ACTL8: variants seen among roughly 807,000 people sequenced by gnomAD.
The protein encoded by ACTL8 is actin like 8, also known as actin-like protein 8.
ACTL8 carries 3 observed loss-of-function variants against 9.3 expected under a neutral mutation model. The ratio of observed to expected loss-of-function variants is 0.32; its 90% CI spans 0.15 to 0.83. ACTL8 has a LOEUF of 0.83. Among genes scored for constraint, ACTL8 ranks in the 40% least tolerant of loss-of-function variants. The probability of loss-of-function intolerance (pLI) is 0.57; values close to 1 mark genes in which losing one functional copy is unlikely to be tolerated. For synonymous variants in ACTL8, 224 were observed against 205.9 expected (o/e 1.09, Z -0.75); for missense variants, 381 against 492.2 (o/e 0.77, Z 2.14).
At chr1:17,756,061 C>T (rs2065967568) in intron 1 of ACTL8, among the ~76,000 whole-genome samples, 1 of 151,658 alleles carries the variant, frequency 6.6e-6, no homozygotes, top group Admixed American at 6.6e-5. Flanking sequence ...CCGCAGCCCT[C>T]AGGGGCTTTT....
chr1:17,772,527 C>T (rs1380516398), intron 1 of ACTL8, among the ~76,000 whole-genome samples: 1 of 152,192 alleles, frequency 6.6e-6, no homozygotes, highest in East Asian at 1.9e-4. Flanking sequence ...TGGGGGAAAG[C>T]TGACACCAGG....
chr1:17,826,228 C>T lies in ACTL8; in HGVS notation c.810C>T (p.Pro270=). Reference sequence around the variant, plus strand: ...CGCAGGTGTTCGAGCAGCCGGGGCCCAGCATCCCACGGGCCATTGTGGAAT... The same window carrying T: ...CGCAGGTGTTCGAGCAGCCGGGGCCTAGCATCCCACGGGCCATTGTGGAAT... The part of the protein sequence containing the change: ...FSPQVFEQPG[P]SIPRAIVESV... The change falls in exon 3 of 3, where the codon CCC becomes CCT. Residue 270 remains proline, a synonymous_variant. Transcript: ENST00000375406. The surrounding 1 kb of genome is among the most constrained non-coding windows in gnomAD (Gnocchi z 4.5). 6.2e-7 allele frequency: 1 copy of T among 1,613,446 alleles called. No individual in the cohort carries two copies. The highest frequency in any genetic ancestry group is 8.5e-7 in the Non-Finnish European group (1 of 1,179,876).
intron 1 of ACTL8, among the ~76,000 whole-genome samples, chr1:17,788,939 T>G (rs543036566): frequency 7.5e-4 from 114 of 152,352 alleles, no homozygotes; most frequent in African/African-American, 2.7e-3. Context: ...CTGGCTGCTC[T>G]TGATCAGTGG....
intron 1 of ACTL8, among the ~76,000 whole-genome samples, chr1:17,777,664 G>C (rs193011185): frequency 1.9e-3 from 287 of 152,320 alleles, no homozygotes; most frequent in Non-Finnish European, 3.3e-3. Flanking sequence ...TGATGGAAAA[G>C]ATTGGTGGTA....
At chr1:17,795,610 C>T (rs924014797) in intron 1 of ACTL8, among the ~76,000 whole-genome samples, 1 of 152,180 alleles carries the variant, frequency 6.6e-6, no homozygotes, top group Admixed American at 6.5e-5. Context: ...TTGCAGCACA[C>T]ACCAGGAAGC....
chr1:17,783,606 T>G (rs189573797), intron 1 of ACTL8, among the ~76,000 whole-genome samples: 33 of 152,334 alleles, frequency 2.2e-4, no homozygotes, highest in African/African-American at 7.2e-4. Flanking sequence ...TCTGGCCTCC[T>G]TGTGTGTCCC....
At chr1:17,789,362 A>G (rs1028754461) in intron 1 of ACTL8, among the ~76,000 whole-genome samples, 3 of 152,028 alleles carry the variant, frequency 2.0e-5, no homozygotes, top group African/African-American at 7.2e-5. Context: ...CTCACATATC[A>G]CCCCTTAGAG....
At chr1:17,779,926 G>T (rs761028268) in intron 1 of ACTL8, among the ~76,000 whole-genome samples, 2 of 152,158 alleles carry the variant, frequency 1.3e-5, no homozygotes, top group African/African-American at 4.8e-5. Flanking sequence ...GAACCTTTTG[G>T]CTGGGTGCAG....
chr1:17,774,298 C>T lies in ACTL8; in HGVS notation c.-25+18794C>T, dbSNP rs188813288. On this transcript the variant is annotated intron_variant, in intron 1 of 2. Coordinates refer to ENST00000375406, the MANE Select transcript of ACTL8 (RefSeq NM_030812.3). ...CTCTTCCACCAGCTGAACAGCTAGG[C>T]GCCCTTGCCCACGCTGGGGGGTGGG... Among the ~76,000 whole-genome samples, 62 of 152,232 alleles carry T rather than the reference C, an allele frequency of 4.1e-4. 1 individual carries two copies. Among genetic ancestry groups the T allele is most frequent in the Middle Eastern group, 3.4e-3 (1 of 294 alleles).
chr1:17,784,723 A>G (rs910649096), intron 1 of ACTL8, among the ~76,000 whole-genome samples: 18 of 152,168 alleles, frequency 1.2e-4, no homozygotes, highest in African/African-American at 3.9e-4. Context: ...TTCCCGTTTT[A>G]TAGGTAGAGC....
chr1:17,778,106 T>A lies in ACTL8; in HGVS notation c.-25+22602T>A, dbSNP rs147113893. ...TTTGAGGGCTGAATGGGAGACAAGC[T>A]CTGCTCGTCTTAACCAGTTTGGGGA... On this transcript the variant is annotated intron_variant, in intron 1 of 2. Transcript: ENST00000375406. Among the ~76,000 whole-genome samples, 732 of 152,328 alleles carry A rather than the reference T, an allele frequency of 4.8e-3. 8 individuals carry two copies. The highest frequency in any genetic ancestry group is 0.016 in the African/African-American group (663 of 41,572).
At chr1:17,808,028 C>T (rs1217590817) in intron 1 of ACTL8, among the ~76,000 whole-genome samples, 2 of 152,118 alleles carry the variant, frequency 1.3e-5, no homozygotes, top group Non-Finnish European at 2.9e-5. Context: ...AGTAGCAGTG[C>T]TGATACCCAT....
chr1:17,796,979 G>A (rs547680751), intron 1 of ACTL8, among the ~76,000 whole-genome samples: 13 of 152,330 alleles, frequency 8.5e-5, no homozygotes, highest in South Asian at 2.1e-4. Flanking sequence ...CTAGGGACAC[G>A]CTGCTCAAGT....
intron 1 of ACTL8, among the ~76,000 whole-genome samples, chr1:17,807,395 G>A (rs1244497913): frequency 1.3e-5 from 2 of 152,178 alleles, no homozygotes; most frequent in Admixed American, 1.3e-4. Context: ...CTCAATAGCT[G>A]TGGGGACATG....
chr1:17,775,377 G>T (rs1371667154), intron 1 of ACTL8, among the ~76,000 whole-genome samples: 1 of 150,228 alleles, frequency 6.7e-6, no homozygotes, highest in Non-Finnish European at 1.5e-5. Flanking sequence ...GGAGGAGGAG[G>T]GTTGGCTCTT....
At chr1:17,797,727 A>G (rs1467407754) in intron 1 of ACTL8, among the ~76,000 whole-genome samples, 2 of 152,048 alleles carry the variant, frequency 1.3e-5, no homozygotes, top group African/African-American at 4.8e-5. Context: ...TCCTCTCTGA[A>G]CCCTGAATCT....
chr1:17,794,237 A>G (rs573495467), intron 1 of ACTL8, among the ~76,000 whole-genome samples: 1 of 152,324 alleles, frequency 6.6e-6, no homozygotes, highest in African/African-American at 2.4e-5. Context: ...CCCGTGGTTA[A>G]GAGCCCAGTG....
At chr1:17,761,291 C>T (rs552332694) in intron 1 of ACTL8, among the ~76,000 whole-genome samples, 1 of 151,978 alleles carries the variant, frequency 6.6e-6, no homozygotes, top group African/African-American at 2.4e-5. Flanking sequence ...TTAGAAAGAT[C>T]TTAGATGCCA....
chr1:17,774,768 G>A (rs917533737), intron 1 of ACTL8, among the ~76,000 whole-genome samples: 22 of 152,276 alleles, frequency 1.4e-4, no homozygotes, highest in African/African-American at 5.3e-4. Flanking sequence ...CTGAGCTGCG[G>A]TAGAGGTGTT....
Sources: allele counts gnomAD v4.1 joint callset (sites outside exome capture counted in the v4.1 genomes callset), GRCh38; gene constraint gnomAD v4.1.1; non-coding constraint Gnocchi (gnomAD v3.1); transcripts MANE v1.5; gene names NCBI Gene and HGNC (gene_info 2026-07-23, HGNC 2026-07-21).